The following ACO1 variants were observed in gnomAD, a reference collection of about 807,000 sequenced individuals.
ACO1 encodes aconitase 1, also known as cytoplasmic aconitate hydratase.
Under a neutral mutation model 105.1 loss-of-function variants are expected in ACO1, and 78 were observed. The ratio of observed to expected loss-of-function variants is 0.74; its 90% CI spans 0.62 to 0.90. ACO1 has a LOEUF of 0.90. ACO1 is among the 40% of genes least tolerant of loss of function. The pLI is 0.00. For missense variants in ACO1, 965 were observed against 1,111.1 expected (o/e 0.87, Z 1.87); for synonymous variants, 364 against 397.4 (o/e 0.92, Z 1.00).
At chr9:32,386,362 C>G (rs1821156807) in intron 1 of ACO1, 1 of 152,178 alleles carries the variant, frequency 6.6e-6, no homozygotes, top group Non-Finnish European at 1.5e-5. Flanking sequence ...TTTCACTTTC[C>G]ACTTTCAGAG....
intron 19 of ACO1, among the ~76,000 whole-genome samples, chr9:32,443,631 C>T (rs1378060836): frequency 6.6e-6 from 1 of 152,052 alleles, no homozygotes; most frequent in East Asian, 1.9e-4. Flanking sequence ...TGTGCATATG[C>T]TGATCGATTT....
chr9:32,413,746 T>G (rs928544193), intron 4 of ACO1, among the ~76,000 whole-genome samples: 1 of 152,188 alleles, frequency 6.6e-6, no homozygotes, highest in Admixed American at 6.5e-5. Context: ...TTGCCTAGTT[T>G]GAATAATACT....
intron 1 of ACO1, among the ~76,000 whole-genome samples, chr9:32,388,863 A>G (rs971449608): frequency 3.3e-5 from 5 of 152,222 alleles, no homozygotes; most frequent in South Asian, 2.1e-4. Flanking sequence ...CCAACAACGT[A>G]TACTTTCGGA....
rs773106532 is a variant in ACO1 at position 32,418,366 on chromosome 9, C to G, written c.513C>G (p.Pro171=). 3 of 1,614,020 alleles carry G rather than the reference C, an allele frequency of 1.9e-6. No homozygotes were observed. Among genetic ancestry groups the G allele is most frequent in the Non-Finnish European group, 1.7e-6 (2 of 1,180,026 alleles). The change falls in exon 6 of 21, where the codon CCC becomes CCG. Residue 171 remains proline (P), a synonymous_variant. Coordinates refer to ENST00000309951, the MANE Select transcript of ACO1 (RefSeq NM_002197.3). ...CTTTTCACAACATGCGGATTATTCC[C>G]CCTGGCTCAGGAATCATCCACCAGG... is the stretch of plus-strand genomic sequence containing the variant. ...SQAFHNMRII[P]PGSGIIHQVN... is the part of the protein sequence containing the mutation.
chr9:32,442,887 T>G (rs1335104878), intron 19 of ACO1, among the ~76,000 whole-genome samples: 1 of 152,140 alleles, frequency 6.6e-6, no homozygotes, highest in Non-Finnish European at 1.5e-5. Context: ...TAGTGGATGG[T>G]GGAATGAGAG....
rs1445177280 is a variant in ACO1 at position 32,452,973 on chromosome 9, C to G, written c.*2862C>G. 2.0e-5 allele frequency: 2 copies of G among 102,492 alleles called. No individual in the cohort carries two copies. The highest frequency in any genetic ancestry group is 9.1e-5 in the Admixed American group (1 of 10,936). The allele number at this position is 102,492 out of a possible 1,614,324, so 6.3% of individuals were successfully genotyped here. ...TATCAATCAATCACCACCCCCCCCC[C>G]CCCCAAAAAAAAAAGTATCTTGGCC... On this transcript the variant is annotated 3_prime_UTR_variant, in exon 21 of 21. Transcript: ENST00000309951.
chr9:32,395,199 G>A (rs185712596), intron 1 of ACO1, among the ~76,000 whole-genome samples: 1 of 152,276 alleles, frequency 6.6e-6, no homozygotes, highest in Non-Finnish European at 1.5e-5. Flanking sequence ...ATGCAGGCTG[G>A]GTGTGGTGGC....
In ACO1 at chr9:32,423,434, T is replaced by C. The variant is rs755830353; in HGVS notation, c.1071+15T>C. ...ACTTCACCCAGGTATGAGAGTGCCT[T>C]CCACTGTGCATGTATTTCCTCTTCC... On this transcript the variant is annotated intron_variant, in intron 9 of 20. Coordinates refer to ENST00000309951, the MANE Select transcript of ACO1 (RefSeq NM_002197.3). 1 of 1,523,528 alleles carries C rather than the reference T, an allele frequency of 6.6e-7. No homozygotes were observed. Among genetic ancestry groups the C allele is most frequent in the Non-Finnish European group, 9.0e-7 (1 of 1,109,204 alleles). 94.4% of individuals were successfully genotyped at this position (1,523,528 alleles called of 1,614,324 possible).
At chr9:32,408,360 C>T (rs371735120) in intron 3 of ACO1, among the ~76,000 whole-genome samples, 154 bp from the exon 4 acceptor site, 7 of 152,308 alleles carry the variant, frequency 4.6e-5, no homozygotes, top group East Asian at 3.9e-4. Flanking sequence ...TGAGGAAATA[C>T]GCTTAGAAAC....
In ACO1 at chr9:32,448,914, G is replaced by T; in HGVS notation, c.2389G>T (p.Ala797Ser). The T allele has an allele frequency of 6.2e-7, 1 of 1,614,186 alleles. No individual in the cohort carries two copies. Residue 797 changes from alanine to serine, a missense_variant, in exon 20 of 21, where the codon GCC (alanine) becomes TCC (serine). By Grantham distance (99) the Ala-to-Ser change is moderately conservative. Coordinates refer to ENST00000309951, the MANE Select transcript of ACO1 (RefSeq NM_002197.3). Reference sequence around the variant, plus strand: ...TCATCAGGGAATCAAAGCCGTCCTGGCCGAGAGCTACGAGCGCATTCACCG... The same window carrying T: ...TCATCAGGGAATCAAAGCCGTCCTGTCCGAGAGCTACGAGCGCATTCACCG... ...PFLLGIKAVL[A>S]ESYERIHRSN...
chr9:32,393,106 A>G (rs907924332), intron 1 of ACO1, among the ~76,000 whole-genome samples: 1 of 152,342 alleles, frequency 6.6e-6, no homozygotes, highest in Non-Finnish European at 1.5e-5. Context: ...AAAGAACAGG[A>G]TAACAGCAAT....
At chr9:32,393,241 A>G (rs1217030312) in intron 1 of ACO1, among the ~76,000 whole-genome samples, 1 of 152,224 alleles carries the variant, frequency 6.6e-6, no homozygotes, top group East Asian at 1.9e-4. Flanking sequence ...TTTCTCAGCA[A>G]GGAACATCCC....
At chr9:32,409,363 C>T (rs1029294952) in intron 4 of ACO1, among the ~76,000 whole-genome samples, 1 of 152,190 alleles carries the variant, frequency 6.6e-6, no homozygotes, top group African/African-American at 2.4e-5. Flanking sequence ...CATTTAATAT[C>T]CTAAATTGAG....
intron 12 of ACO1, among the ~76,000 whole-genome samples, chr9:32,428,565 G>A (rs1436154346): frequency 2.0e-5 from 3 of 151,818 alleles, no homozygotes; most frequent in African/African-American, 2.4e-5. Flanking sequence ...ATGGCTGGGC[G>A]CGGTGGCTCA....
chr9:32,423,355 A>G lies in ACO1; in HGVS notation c.1007A>G (p.Tyr336Cys), dbSNP rs1361328697. 1 of 1,596,550 alleles carries G rather than the reference A, an allele frequency of 6.3e-7. No individual in the cohort carries two copies. The highest frequency in any genetic ancestry group is 8.5e-7 in the Non-Finnish European group (1 of 1,174,680). The change falls in exon 9 of 21, where the codon TAT becomes TGT. Residue 336 changes from tyrosine to cysteine, a missense_variant. Transcript: ENST00000309951. ...DEEKLKYIKK[Y>C]LQAVGMFRDF... is the part of the protein sequence containing the mutation. ...GAAAAATTAAAGTATATTAAAAAAT[A>G]TCTTCAGGCTGTAGGAATGTTTCGA...
At chr9:32,429,233 A>G (rs1461270168) in intron 12 of ACO1, among the ~76,000 whole-genome samples, 186 bp from the exon 13 acceptor site, 2 of 152,206 alleles carry the variant, frequency 1.3e-5, no homozygotes, top group Non-Finnish European at 2.9e-5. Flanking sequence ...AAATATGAAT[A>G]GTATTCTTAT....
intron 9 of ACO1, 75 bp from the exon 10 acceptor site, chr9:32,424,474 T>G (rs1822042774): frequency 2.1e-6 from 2 of 959,256 alleles, no homozygotes; most frequent in African/African-American, 3.3e-5. Flanking sequence ...TGTTTTAAAT[T>G]CTCTGACATG....
chr9:32,437,199 A>T (rs1822380329), intron 18 of ACO1, among the ~76,000 whole-genome samples: 1 of 152,192 alleles, frequency 6.6e-6, no homozygotes, highest in Non-Finnish European at 1.5e-5. Context: ...TGATTTATGT[A>T]ATGCTCATAA....
At chr9:32,407,468 A>G (rs56127964) in intron 3 of ACO1, 39 bp downstream of exon 3, 31,002 of 1,570,944 alleles carry the variant, frequency 0.02, 333 homozygotes, top group Non-Finnish European at 0.023. Flanking sequence ...TGCCTCCCTC[A>G]TTAGCCTTTC....
Sources: gnomAD v4.1 joint callset for allele counts (sites outside exome capture counted in the v4.1 genomes callset) on GRCh38, gnomAD v4.1.1 for gene constraint, MANE v1.5 for transcripts, NCBI Gene and HGNC (gene_info 2026-07-23, HGNC 2026-07-21) for gene names.